Variants in RAD18 observed in about 807,000 individuals in gnomAD.
RAD18 encodes the protein E3 ubiquitin-protein ligase RAD18.
A neutral mutation model predicts 60.4 loss-of-function variants in RAD18; 47 were observed. That is an observed-to-expected ratio of 0.78 (90% confidence interval 0.62 to 0.99). The LOEUF is 0.99. Ranked by LOEUF, RAD18 falls within the 50% of genes least tolerant of loss-of-function variation. The probability of loss-of-function intolerance (pLI) is 0.00; values close to 1 mark genes in which losing one functional copy is unlikely to be tolerated. For synonymous variants in RAD18, 225 were observed against 195.5 expected (o/e 1.15, Z -1.26); for missense variants, 640 against 593.3 (o/e 1.08, Z -0.82).
chr3:8,937,744 A>T (rs533249466), intron 6 of RAD18, among the ~76,000 whole-genome samples: 3 of 152,352 alleles, frequency 2.0e-5, no homozygotes, highest in South Asian at 2.1e-4. Flanking sequence ...ACTAAATTAA[A>T]CAAAACCTAA....
chr3:8,918,627 T>C (rs1940253540), intron 7 of RAD18, among the ~76,000 whole-genome samples: 1 of 152,030 alleles, frequency 6.6e-6, no homozygotes, highest in Admixed American at 6.5e-5. Flanking sequence ...CTGTATCTTA[T>C]AGACTATGCT....
intron 11 of RAD18, among the ~76,000 whole-genome samples, chr3:8,896,044 T>G (rs767403771): frequency 4.6e-5 from 7 of 152,204 alleles, no homozygotes; most frequent in Non-Finnish European, 7.3e-5. Context: ...ACACAGTTCC[T>G]GTACCCTCAC....
intron 12 of RAD18, among the ~76,000 whole-genome samples, chr3:8,883,148 T>C (rs1274315144): frequency 6.6e-6 from 1 of 151,938 alleles, no homozygotes; most frequent in Non-Finnish European, 1.5e-5. Context: ...TGTGGGACAA[T>C]AAAAATGGCA....
intron 2 of RAD18, among the ~76,000 whole-genome samples, chr3:8,958,059 A>G (rs1051058358): frequency 3.3e-5 from 5 of 152,358 alleles, no homozygotes; most frequent in East Asian, 1.9e-4. Flanking sequence ...AGTTCTGCAC[A>G]TTTAATTCTC....
At chr3:8,928,887 G>T (rs1940498319) in intron 7 of RAD18, among the ~76,000 whole-genome samples, 1 of 152,104 alleles carries the variant, frequency 6.6e-6, no homozygotes, top group African/African-American at 2.4e-5. Context: ...GGTCTGAAAT[G>T]ATACAGAACA....
intron 9 of RAD18, among the ~76,000 whole-genome samples, chr3:8,909,556 A>G (rs1301347458): frequency 6.6e-6 from 1 of 152,190 alleles, no homozygotes; most frequent in Non-Finnish European, 1.5e-5. Context: ...AAAGAATCAG[A>G]ATGGCAAGCT....
intron 7 of RAD18, among the ~76,000 whole-genome samples, chr3:8,932,344 C>A (rs1940575644): frequency 6.6e-6 from 1 of 151,934 alleles, no homozygotes; most frequent in African/African-American, 2.4e-5. Context: ...AGTTAAGGGG[C>A]AGAATATTTC....
Position 8,912,353 on chromosome 3 carries a change from T to C in RAD18, c.986A>G (p.Asp329Gly). The C allele has an allele frequency of 1.3e-6, 2 of 1,564,332 alleles. No individual in the cohort carries two copies. Among genetic ancestry groups the C allele is most frequent in the Non-Finnish European group, 1.7e-6 (2 of 1,157,996 alleles). Residue 329 changes from aspartate to glycine, a missense_variant, in exon 9 of 13, where the codon GAC becomes GGC. By Grantham distance (94) the Asp-to-Gly change is moderately conservative. Coordinates refer to ENST00000264926, the MANE Select transcript of RAD18 (RefSeq NM_020165.4). The part of the protein sequence containing the change: ...LNESVMVFTK[D>G]QTEKEIDEIH... ...TTCATCTATTTCCTTTTCTGTTTGG[T>C]CCTTTGTAAAAACCATTACCTAAAA...
At position 8,880,105 on chromosome 3, in the gene RAD18, T is replaced by C. The variant is rs1005495849; in HGVS notation, c.*1252A>G. ...GGATTTCATGCAAATGAAATTATTA[T>C]GACAAATTTTTCTATAGCCATTTCT... On this transcript the variant is annotated 3_prime_UTR_variant, in exon 13 of 13. Coordinates refer to ENST00000264926, the MANE Select transcript of RAD18 (RefSeq NM_020165.4). The C allele has an allele frequency of 6.6e-6, 1 of 152,306 alleles. No homozygotes were observed. Among genetic ancestry groups the C allele is most frequent in the East Asian group, 1.9e-4 (1 of 5,182 alleles). 9.4% of individuals were successfully genotyped at this position (152,306 alleles called of 1,614,324 possible). A position where few individuals can be genotyped will look rare whatever the true frequency, so the allele number is the denominator to read the frequency against.
At chr3:8,937,027 A>G (rs186041193) in intron 6 of RAD18, among the ~76,000 whole-genome samples, 1 of 152,346 alleles carries the variant, frequency 6.6e-6, no homozygotes, top group African/African-American at 2.4e-5. Flanking sequence ...TGTATTAACA[A>G]AGTCTAAAAG....
At chr3:8,931,137 AAAG>A (rs1393893575) in intron 7 of RAD18, among the ~76,000 whole-genome samples, 1 of 152,200 alleles carries the variant, frequency 6.6e-6, no homozygotes, top group Admixed American at 6.5e-5. Flanking sequence ...AATCTATAAA[AAAG>A]CAATTAGAAA....
intron 9 of RAD18, 41 bp downstream of exon 9, chr3:8,912,271 A>T: frequency 1.4e-6 from 2 of 1,397,402 alleles, no homozygotes; most frequent in Non-Finnish European, 2.0e-6. Context: ...AAAAACAGCA[A>T]CTGAAGCTCT....
Position 8,936,491 on chromosome 3 carries a change from T to C in RAD18, c.705-436A>G, listed in dbSNP as rs115822469. On this transcript the variant is annotated intron_variant, in intron 6 of 12. Transcript: ENST00000264926. ...ATAAAAGTACCAATGACTTAAGCAATTCCATAAACAGGAACTTCTTAGTGA... is the reference window on the plus strand; with the variant it reads ...ATAAAAGTACCAATGACTTAAGCAACTCCATAAACAGGAACTTCTTAGTGA... 7.4e-3 allele frequency among the ~76,000 whole-genome samples: 1,134 copies of C among 152,304 alleles called. 17 individuals are homozygous for C. The highest frequency in any genetic ancestry group is 0.026 in the African/African-American group (1,069 of 41,570).
intron 9 of RAD18, 116 bp downstream of exon 9, chr3:8,912,196 A>T (rs1022967175): frequency 1.2e-6 from 1 of 800,348 alleles, no homozygotes; most frequent in Non-Finnish European, 1.9e-6. Context: ...TCTCTTAAGT[A>T]ATGTTAACAA....
Position 8,880,188 on chromosome 3 carries a change from C to T in RAD18, c.*1169G>A, listed in dbSNP as rs1939433612. 1 of 152,218 alleles carries T rather than the reference C, an allele frequency of 6.6e-6. No individual in the cohort carries two copies. The highest frequency in any genetic ancestry group is 2.4e-5 in the African/African-American group (1 of 41,456). The allele number at this position is 152,218 out of a possible 1,614,324, so 9.4% of individuals were successfully genotyped here. ...TGCACTTCACTGTGAAAACACTAAACTCTCAGCCATAATGAGACTCCACAC... is the reference window on the plus strand; with the variant it reads ...TGCACTTCACTGTGAAAACACTAAATTCTCAGCCATAATGAGACTCCACAC... On this transcript the variant is annotated 3_prime_UTR_variant, in exon 13 of 13. Transcript: ENST00000264926.
intron 7 of RAD18, among the ~76,000 whole-genome samples, chr3:8,916,213 C>T (rs577817988): frequency 2.6e-5 from 4 of 152,300 alleles, no homozygotes; most frequent in African/African-American, 9.6e-5. Flanking sequence ...CCATAGAGGA[C>T]CCCTGCCCCT....
chr3:8,914,697 G>T (rs1213726743), intron 7 of RAD18, among the ~76,000 whole-genome samples: 2 of 152,156 alleles, frequency 1.3e-5, no homozygotes, highest in Non-Finnish European at 2.9e-5. Context: ...CAATCTCTCT[G>T]TGAAGATGAC....
chr3:8,914,927 A>G (rs922593301), intron 7 of RAD18, among the ~76,000 whole-genome samples: 15 of 152,164 alleles, frequency 9.9e-5, no homozygotes, highest in African/African-American at 3.6e-4. Flanking sequence ...TCACGAGGTC[A>G]GGAGATCGAG....
intron 12 of RAD18, 53 bp from the exon 13 acceptor site, chr3:8,881,512 C>T: frequency 7.1e-7 from 1 of 1,403,658 alleles, no homozygotes; most frequent in Non-Finnish European, 1.0e-6. Flanking sequence ...TATTGTACAG[C>T]AGTTTCTAGT....
Sources: gnomAD v4.1 joint callset for allele counts (sites outside exome capture counted in the v4.1 genomes callset) on GRCh38, gnomAD v4.1.1 for gene constraint, MANE v1.5 for transcripts, NCBI Gene and HGNC (gene_info 2026-07-23, HGNC 2026-07-21) for gene names.